The following WWC1 variants were observed in gnomAD, a reference collection of about 807,000 sequenced individuals.
The protein encoded by WWC1 is protein KIBRA.
In WWC1, 55 loss-of-function variants were observed where a neutral mutation model predicts 138.4. The observed-to-expected ratio is 0.40, with a 90% CI of 0.32 to 0.50. The LOEUF (loss-of-function observed/expected upper bound fraction) is 0.50, where lower values mean the gene tolerates loss of function less well. Among genes scored for constraint, WWC1 ranks in the 20% least tolerant of loss-of-function variants. The pLI, the probability that WWC1 is intolerant of heterozygous loss-of-function variation, is 0.72. For synonymous variants in WWC1, 524 were observed against 564.9 expected, an observed-to-expected ratio of 0.93 and a Z score of 1.03; for missense variants, 1,226 against 1,420.4, an observed-to-expected ratio of 0.86 and a Z score of 2.20.
At chr5:168,418,740 C>A (rs1235232387) in intron 9 of WWC1, among the ~76,000 whole-genome samples, 2 of 152,056 alleles carry the variant, frequency 1.3e-5, no homozygotes, top group South Asian at 4.2e-4. Context: ...AAGAGGAAAA[C>A]CAAGGTAAAA....
intron 8 of WWC1, chr5:168,412,116 G>T: frequency 2.0e-6 from 2 of 985,428 alleles, no homozygotes; most frequent in South Asian, 9.4e-5. Flanking sequence ...CTGCAGGAAT[G>T]CCTGTCTTAG....
Position 168,392,445 on chromosome 5 carries a change from G to A in WWC1, c.434-5279G>A, listed in dbSNP as rs184361413. 4.8e-3 allele frequency among the ~76,000 whole-genome samples: 737 copies of A among 152,320 alleles called. 5 individuals are homozygous for A. Among genetic ancestry groups the A allele is most frequent in the African/African-American group, 0.017 (714 of 41,566 alleles). On this transcript the variant is annotated intron_variant, in intron 3 of 22. Coordinates refer to ENST00000265293, the MANE Select transcript of WWC1 (RefSeq NM_015238.3). ...CTCATGCCTGTAATACCAGCACTTT[G>A]AGAGGCCGAGATGGGAGGATCACTT...
intron 3 of WWC1, among the ~76,000 whole-genome samples, chr5:168,387,234 A>G (rs994203174): frequency 6.6e-5 from 10 of 152,184 alleles, no homozygotes; most frequent in African/African-American, 2.4e-4. Context: ...GCATCAGGGC[A>G]TGGTGTCAGG....
intron 1 of WWC1, among the ~76,000 whole-genome samples, chr5:168,321,607 G>A (rs1199237073): frequency 2.7e-5 from 4 of 149,590 alleles, no homozygotes; most frequent in South Asian, 4.2e-4. Context: ...ACACGATCTC[G>A]GCCCACTGCA....
intron 1 of WWC1, among the ~76,000 whole-genome samples, chr5:168,346,587 T>C (rs1179313740): frequency 6.6e-6 from 1 of 152,164 alleles, no homozygotes; most frequent in Non-Finnish European, 1.5e-5. Context: ...GCATGCAGAA[T>C]ACAAGACTCA....
intron 1 of WWC1, among the ~76,000 whole-genome samples, chr5:168,298,557 C>A (rs1005188321): frequency 6.6e-6 from 1 of 152,038 alleles, no homozygotes; most frequent in African/African-American, 2.4e-5. Context: ...TGGGAACATC[C>A]TATGTCAATT....
chr5:168,468,389 C>G (rs912792791), intron 22 of WWC1, among the ~76,000 whole-genome samples: 1 of 151,774 alleles, frequency 6.6e-6, no homozygotes, highest in Non-Finnish European at 1.5e-5. Context: ...GGTGTATTCT[C>G]GGAGGGTCCC....
intron 1 of WWC1, among the ~76,000 whole-genome samples, chr5:168,315,673 C>T (rs1771522371): frequency 6.6e-6 from 1 of 152,098 alleles, no homozygotes; most frequent in South Asian, 2.1e-4. Flanking sequence ...AAAGTTTTGC[C>T]TATAATTGGT....
chr5:168,423,985 T>A lies in WWC1; in HGVS notation c.1727T>A (p.Leu576His). ...GAAGACCCGGAGCTGAGTGCCACTC[T>A]TTGTGAACTGAGCCTTGGTAACAGC... ...EFEDPELSATLCELSLGNSAQ... is the reference protein window; with the variant it reads ...EFEDPELSATHCELSLGNSAQ... The change falls in exon 11 of 23, where the codon CTT (leucine) becomes CAT (histidine). Residue 576 changes from leucine to histidine, a missense_variant. Leu to His is a moderately conservative substitution (Grantham distance 99). This residue lies in a region of WWC1 where 1,016 missense variants were observed against 1,153.9 expected (regional missense o/e 0.88). Coordinates refer to ENST00000265293, the MANE Select transcript of WWC1 (RefSeq NM_015238.3). 1 of 1,614,056 alleles carries A rather than the reference T, an allele frequency of 6.2e-7. No individual in the cohort carries two copies.
chr5:168,387,582 C>T (rs1223541174), intron 3 of WWC1, among the ~76,000 whole-genome samples: 1 of 152,120 alleles, frequency 6.6e-6, no homozygotes, highest in African/African-American at 2.4e-5. Flanking sequence ...AGTTCTAGAG[C>T]CTGGACGTCT....
chr5:168,405,841 C>A (rs1327282818), intron 5 of WWC1, among the ~76,000 whole-genome samples: 1 of 152,060 alleles, frequency 6.6e-6, no homozygotes, highest in South Asian at 2.1e-4. Flanking sequence ...ATTCTCATGC[C>A]TCAGCCTCTC....
intron 5 of WWC1, among the ~76,000 whole-genome samples, chr5:168,405,947 G>A (rs1779749757): frequency 6.6e-6 from 1 of 151,928 alleles, no homozygotes; most frequent in South Asian, 2.1e-4. Context: ...AGTTAGTCTT[G>A]AACTCCTGGC....
intron 20 of WWC1, among the ~76,000 whole-genome samples, chr5:168,461,338 A>C (rs1280810885): frequency 6.6e-6 from 1 of 152,188 alleles, no homozygotes; most frequent in East Asian, 1.9e-4. Flanking sequence ...TCTCAGGAAA[A>C]AAAAAGAAGA....
chr5:168,329,508 A>G (rs1274166613), intron 1 of WWC1, among the ~76,000 whole-genome samples: 1 of 152,184 alleles, frequency 6.6e-6, no homozygotes, highest in African/African-American at 2.4e-5. Flanking sequence ...TGAGGGGAGA[A>G]GGAATGTCCG....
intron 1 of WWC1, among the ~76,000 whole-genome samples, chr5:168,357,309 C>T (rs955735203): frequency 3.1e-5 from 4 of 127,956 alleles, no homozygotes; most frequent in Non-Finnish European, 4.9e-5. Flanking sequence ...CTCTTACACA[C>T]ACACACACAC....
intron 8 of WWC1, 200 bp from the exon 9 acceptor site, chr5:168,414,148 G>A (rs1780417849): frequency 1.5e-6 from 1 of 657,792 alleles, no homozygotes; most frequent in African/African-American, 1.8e-5. Context: ...CATTCCTGCA[G>A]AGCCTACTTC....
At position 168,455,384 on chromosome 5, in the gene WWC1, C is replaced by A. The variant is rs766000529; in HGVS notation, c.2687C>A (p.Pro896Gln). The change falls in exon 19 of 23, where the codon CCG becomes CAG. Residue 896 changes from proline to glutamine, a missense_variant. Around this residue, in one of 3 missense-constraint regions of WWC1, gnomAD observed 1,016 missense variants for 1,153.9 expected, o/e 0.88. Coordinates refer to ENST00000265293, the MANE Select transcript of WWC1 (RefSeq NM_015238.3). ...GACAAAGAGACCAACACGGAGACCC[C>A]GGCCCCATCCCCCACAGTGGTGCGA... Reference protein sequence around the residue: ...KVDKETNTETPAPSPTVVRPK... With the variant: ...KVDKETNTETQAPSPTVVRPK... The A allele has an allele frequency of 6.3e-7, 1 of 1,595,224 alleles. No homozygotes were observed. The highest frequency in any genetic ancestry group is 1.8e-5 in the Admixed American group (1 of 55,966).
intron 17 of WWC1, among the ~76,000 whole-genome samples, chr5:168,451,289 T>C (rs1381607531): frequency 6.6e-6 from 1 of 152,150 alleles, no homozygotes; most frequent in East Asian, 1.9e-4. Flanking sequence ...CCCAAACTGT[T>C]GGGATTATAG....
At chr5:168,419,346 A>G (rs939806218) in intron 9 of WWC1, among the ~76,000 whole-genome samples, 4 of 105,278 alleles carry the variant, frequency 3.8e-5, no homozygotes, top group Admixed American at 3.0e-4. Flanking sequence ...AGCAGAGCTC[A>G]TAAACTGTGC....
Sources: gnomAD v4.1 joint callset for allele counts (sites outside exome capture counted in the v4.1 genomes callset) on GRCh38, gnomAD v4.1.1 for gene constraint, gnomAD v4.1.1 regional missense constraint, MANE v1.5 for transcripts, NCBI Gene and HGNC (gene_info 2026-07-23, HGNC 2026-07-21) for gene names.